The following ADAM22 variants were observed in gnomAD, a reference collection of about 807,000 sequenced individuals.
ADAM22 encodes the protein disintegrin and metalloproteinase domain-containing protein 22.
In ADAM22, 65 loss-of-function variants were observed where a neutral mutation model predicts 144.6. That is an observed-to-expected ratio of 0.45 (90% CI 0.37 to 0.55). ADAM22 has a LOEUF of 0.55. Among genes scored for constraint, ADAM22 ranks in the 20% least tolerant of loss-of-function variants. The pLI is 0.00. For synonymous variants in ADAM22, 391 were observed against 412.6 expected (o/e 0.95, Z 0.63); for missense variants, 974 against 1,184.9 (o/e 0.82, Z 2.61).
At position 88,193,219 on chromosome 7, in the gene ADAM22, G is replaced by A. The variant is rs182800008; in HGVS notation, c.2854G>A (p.Val952Met). ...TCCACTTCCTGATGAGGACAAGAAA[G>A]TGAACCGACAAAGTGCCAGGGTATG... The part of the protein sequence containing the change: ...MPPLPDEDKK[V>M]NRQSARLWET... The change falls in exon 31 of 32, where the codon GTG becomes ATG. Residue 952 changes from valine (V) to methionine (M), a missense_variant. By Grantham distance (21) the Val-to-Met change is conservative (BLOSUM62 1). Transcript: ENST00000413139. 4.8e-4 allele frequency: 771 copies of A among 1,613,944 alleles called. 7 individuals are homozygous for A. The highest frequency in any genetic ancestry group is 3.8e-3 in the Middle Eastern group (23 of 6,060).
intron 3 of ADAM22, among the ~76,000 whole-genome samples, chr7:87,984,994 A>C (rs1854605347): frequency 6.6e-6 from 1 of 151,886 alleles, no homozygotes; most frequent in Admixed American, 6.6e-5. Flanking sequence ...TGTTGCATAC[A>C]ATGAAAGTCT....
intron 3 of ADAM22, among the ~76,000 whole-genome samples, chr7:88,020,163 G>T (rs370974817): frequency 6.6e-6 from 1 of 152,050 alleles, no homozygotes. Flanking sequence ...GTGTTAATGC[G>T]CAGGCATTGA....
intron 3 of ADAM22, among the ~76,000 whole-genome samples, chr7:87,994,901 C>T (rs994522361): frequency 6.6e-6 from 1 of 152,036 alleles, no homozygotes; most frequent in African/African-American, 2.4e-5. Flanking sequence ...GATCTCCGCT[C>T]ACTGCAAGCT....
intron 7 of ADAM22, among the ~76,000 whole-genome samples, chr7:88,122,237 A>AG (rs1345905031): frequency 1.3e-5 from 2 of 152,204 alleles, no homozygotes; most frequent in Non-Finnish European, 2.9e-5. Flanking sequence ...TCCATAGGGA[A>AG]GCTCACAACA....
At chr7:88,168,032 G>T in intron 24 of ADAM22, 105 bp from the exon 25 acceptor site, 1 of 860,594 alleles carries the variant, frequency 1.2e-6, no homozygotes, top group Non-Finnish European at 1.8e-6. Context: ...ACTCATTTTT[G>T]AAAACAAACA....
chr7:87,990,741 C>A (rs1031810527), intron 3 of ADAM22, among the ~76,000 whole-genome samples: 7 of 152,316 alleles, frequency 4.6e-5, no homozygotes, highest in Middle Eastern at 3.4e-3. Context: ...CAGCTCACTG[C>A]AACCTCTGCC....
chr7:88,023,295 A>G (rs1034247982), intron 3 of ADAM22, among the ~76,000 whole-genome samples: 3 of 152,182 alleles, frequency 2.0e-5, no homozygotes, highest in Admixed American at 1.3e-4. Context: ...GTAGGTGTAT[A>G]TATTCAAGGA....
chr7:88,134,147 T>G (rs796810548), intron 12 of ADAM22, among the ~76,000 whole-genome samples, 182 bp from the exon 13 acceptor site: 11 of 152,308 alleles, frequency 7.2e-5, no homozygotes, highest in African/African-American at 2.6e-4. Flanking sequence ...CAAACATGGA[T>G]TTTTGTTTCT....
rs1794304655 is a variant in ADAM22, at chr7:88,007,748, T to A, written c.323+29336T>A. 3.9e-5 allele frequency among the ~76,000 whole-genome samples: 6 copies of A among 152,212 alleles called. No individual in the cohort carries two copies. In the South Asian group the frequency reaches 1.2e-3, roughly 32 times the overall value. ...CCTTACACCTTATATAAAAATTAAT[T>A]CAAGATGGATTAAAGACTTAAACGT... On this transcript the variant is annotated intron_variant, in intron 3 of 31. Coordinates refer to ENST00000413139, the MANE Select transcript of ADAM22 (RefSeq NM_001324418.2).
At chr7:88,053,634 A>AAGAAAGAAAGAAAGAAAGAAAGAAAG (rs1554432336) in intron 3 of ADAM22, among the ~76,000 whole-genome samples, 2 of 96,582 alleles carry the variant, frequency 2.1e-5, no homozygotes, top group East Asian at 4.2e-4. Flanking sequence ...GAAAGAAAGA[A>AAGAAAGAAAGAAAGAAAGAAAGAAAG]AGAAAGAAAG....
At chr7:88,030,674 G>A (rs1206374469) in intron 3 of ADAM22, among the ~76,000 whole-genome samples, 3 of 152,126 alleles carry the variant, frequency 2.0e-5, no homozygotes, top group South Asian at 4.1e-4. Context: ...TTGAAAGTGT[G>A]TAGCACCTCC....
At chr7:88,137,798 G>A (rs966540410) in intron 14 of ADAM22, among the ~76,000 whole-genome samples, 6 of 152,020 alleles carry the variant, frequency 3.9e-5, no homozygotes, top group Admixed American at 1.3e-4. Flanking sequence ...TTTTGAACTC[G>A]CAGGATATGT....
At chr7:87,950,280 C>A in intron 2 of ADAM22, among the ~76,000 whole-genome samples, 1 of 104,780 alleles carries the variant, frequency 9.5e-6, no homozygotes, top group Non-Finnish European at 1.8e-5. Context: ...TAATGCTATC[C>A]CTCCCCCCTC....
In ADAM22 at chr7:88,161,498, C is replaced by T. The variant is rs529624579; in HGVS notation, c.1908-1514C>T. ...CTAATTAAACTAAAGTGCTTCTGCA[C>T]AGCAAAAGTAACTATCAACAGAGTA... On this transcript the variant is annotated intron_variant, in intron 22 of 31. Coordinates refer to ENST00000413139, the MANE Select transcript of ADAM22 (RefSeq NM_001324418.2). 2.6e-5 allele frequency among the ~76,000 whole-genome samples: 4 copies of T among 152,216 alleles called. No individual in the cohort carries two copies. The East Asian group carries it at 7.7e-4, about 29-fold the overall frequency.
intron 29 of ADAM22, 100 bp from the exon 30 acceptor site, chr7:88,186,515 G>C: frequency 1.2e-6 from 1 of 805,514 alleles, no homozygotes; most frequent in South Asian, 1.4e-5. Flanking sequence ...ATGGTCACTT[G>C]CATTTGGAGG....
chr7:88,125,649 G>A lies in ADAM22; in HGVS notation c.668G>A (p.Ser223Asn), dbSNP rs1157332469. The A allele has an allele frequency of 6.3e-7, 1 of 1,592,106 alleles. No homozygotes were observed. Among genetic ancestry groups the A allele is most frequent in the Admixed American group, 1.8e-5 (1 of 55,322 alleles). ...KFILKPRPKR[S>N]KRQLRRYPRN... Reference sequence around the variant, plus strand: ...ATTTTGAAGCCAAGACCAAAAAGGAGTAAACGGCAGGTATGTATTCACAGT... The same window carrying A: ...ATTTTGAAGCCAAGACCAAAAAGGAATAAACGGCAGGTATGTATTCACAGT... The change falls in exon 8 of 32, where the codon AGT becomes AAT. Residue 223 changes from serine to asparagine, a missense_variant. Ser to Asn is a conservative substitution (Grantham distance 46, BLOSUM62 1). Around this residue, in one of 2 missense-constraint regions of ADAM22, gnomAD observed 734 missense variants for 950.6 expected, o/e 0.77. Coordinates refer to ENST00000413139, the MANE Select transcript of ADAM22 (RefSeq NM_001324418.2).
At chr7:88,155,487 A>G (rs1387706054) in intron 21 of ADAM22, among the ~76,000 whole-genome samples, 2 of 150,926 alleles carry the variant, frequency 1.3e-5, no homozygotes, top group African/African-American at 2.4e-5. Flanking sequence ...ACACCACTAC[A>G]CTCCAACTTG....
intron 3 of ADAM22, among the ~76,000 whole-genome samples, chr7:88,018,726 A>C (rs557879335): frequency 1.3e-5 from 2 of 152,322 alleles, no homozygotes; most frequent in South Asian, 4.1e-4. Context: ...CTTATGGCAC[A>C]CAAAAGTGAG....
chr7:88,113,703 A>AATAAATAAATAAATATATATAT (rs1554478726), intron 5 of ADAM22, among the ~76,000 whole-genome samples: 17 of 48,084 alleles, frequency 3.5e-4, no homozygotes, highest in East Asian at 2.8e-3. Flanking sequence ...TAAATAAATA[A>AATAAATAAATAAATATATATAT]ATATATATAT....
Sources: gnomAD v4.1 joint callset for allele counts (sites outside exome capture counted in the v4.1 genomes callset) on GRCh38, gnomAD v4.1.1 for gene constraint, gnomAD v4.1.1 regional missense constraint, MANE v1.5 for transcripts, NCBI Gene and HGNC (gene_info 2026-07-23, HGNC 2026-07-21) for gene names.